PRKG1: variants seen among roughly 807,000 people sequenced by gnomAD.
PRKG1 encodes cGMP-dependent protein kinase 1.
PRKG1 carries 35 observed loss-of-function variants against 88.1 expected under a neutral mutation model. The ratio of observed to expected loss-of-function variants is 0.40; its 90% CI spans 0.30 to 0.53. PRKG1 has a LOEUF of 0.53. PRKG1 is among the 20% of genes least tolerant of loss of function. The pLI, the probability that PRKG1 is intolerant of heterozygous loss-of-function variation, is 0.59. For missense variants in PRKG1, 540 were observed against 839.8 expected, an observed-to-expected ratio of 0.64 and a Z score of 4.41; for synonymous variants, 303 against 292.5, an observed-to-expected ratio of 1.04 and a Z score of -0.37.
chr10:51,756,059 T>C (rs1273779382), intron 3 of PRKG1, among the ~76,000 whole-genome samples: 1 of 152,226 alleles, frequency 6.6e-6, no homozygotes, highest in South Asian at 2.1e-4. Flanking sequence ...GAGAAACATA[T>C]AAAGTATTTT....
intron 5 of PRKG1, among the ~76,000 whole-genome samples, chr10:51,968,260 C>T (rs558087555): frequency 6.6e-5 from 10 of 152,190 alleles, no homozygotes; most frequent in East Asian, 1.9e-4. Context: ...CCAAGGCCAA[C>T]TGTAAAGATT....
chr10:50,992,964 C>T (rs895225064), intron 1 of PRKG1, among the ~76,000 whole-genome samples: 1 of 152,182 alleles, frequency 6.6e-6, no homozygotes, highest in Non-Finnish European at 1.5e-5. Flanking sequence ...GACTCCTAAA[C>T]TAGTCCCCCT....
At chr10:51,390,156 T>C (rs1238930483) in intron 2 of PRKG1, among the ~76,000 whole-genome samples, 1 of 152,214 alleles carries the variant, frequency 6.6e-6, no homozygotes, top group Non-Finnish European at 1.5e-5. Flanking sequence ...GGCAGAATCA[T>C]GTGGAACACA....
At chr10:51,516,891 T>C (rs373674683) in intron 3 of PRKG1, among the ~76,000 whole-genome samples, 4 of 152,044 alleles carry the variant, frequency 2.6e-5, no homozygotes, top group Non-Finnish European at 4.4e-5. Context: ...TAAACAAATA[T>C]ACAAAAATAA....
chr10:51,888,954 C>T (rs1442571777), intron 4 of PRKG1, among the ~76,000 whole-genome samples: 2 of 152,112 alleles, frequency 1.3e-5, no homozygotes, highest in South Asian at 2.1e-4. Context: ...AGTAACGTGA[C>T]TGGGACTTAA....
At chr10:52,210,151 T>C (rs1465962974) in intron 9 of PRKG1, among the ~76,000 whole-genome samples, 1 of 152,142 alleles carries the variant, frequency 6.6e-6, no homozygotes, top group Non-Finnish European at 1.5e-5. Context: ...AGATGGTAGC[T>C]ACTATCATCA....
chr10:51,991,755 C>T (rs190465794), intron 5 of PRKG1, among the ~76,000 whole-genome samples: 1 of 152,148 alleles, frequency 6.6e-6, no homozygotes, highest in Non-Finnish European at 1.5e-5. Context: ...GTATATGTGC[C>T]ACATTTTCTT....
rs1838425145 is a variant in PRKG1, at chr10:51,775,968, CCTTT to C, written c.593-28612_593-28609del. ...CTCACGTTCTGTTTCCATTGTTATT[CCTTT>C]CTTTATTTTAGTTCAAACCCCAACT... On this transcript the variant is annotated intron_variant, in intron 3 of 17. Transcript: ENST00000373980. Among the ~76,000 whole-genome samples the C allele has an allele frequency of 2.0e-5, 3 of 152,196 alleles. No individual in the cohort carries two copies. The South Asian group carries it at 6.2e-4, about 32-fold the overall frequency.
intron 7 of PRKG1, among the ~76,000 whole-genome samples, chr10:52,129,406 AGT>A (rs1307141724): frequency 1.3e-5 from 2 of 152,216 alleles, no homozygotes; most frequent in African/African-American, 4.8e-5. Flanking sequence ...TCTCTTTAGA[AGT>A]TAGAAATTTC....
At chr10:51,862,890 T>C (rs1212876571) in intron 4 of PRKG1, among the ~76,000 whole-genome samples, 1 of 152,184 alleles carries the variant, frequency 6.6e-6, no homozygotes, top group Non-Finnish European at 1.5e-5. Flanking sequence ...CTGGCCTATG[T>C]AAGTGCTCAA....
chr10:51,768,074 A>T (rs1226770600), intron 3 of PRKG1, among the ~76,000 whole-genome samples: 1 of 152,164 alleles, frequency 6.6e-6, no homozygotes, highest in African/African-American at 2.4e-5. Context: ...TAGCAAAAAT[A>T]TCTTCAAAAT....
intron 5 of PRKG1, among the ~76,000 whole-genome samples, chr10:52,006,219 C>T (rs1048963814): frequency 6.6e-6 from 1 of 152,116 alleles, no homozygotes; most frequent in Non-Finnish European, 1.5e-5. Flanking sequence ...CTCAAAAAGC[C>T]AGAGCACTTT....
intron 9 of PRKG1, among the ~76,000 whole-genome samples, chr10:52,172,854 G>A (rs1277969391): frequency 1.3e-5 from 2 of 152,184 alleles, no homozygotes; most frequent in Non-Finnish European, 2.9e-5. Flanking sequence ...TTTGGAGAGC[G>A]AGCCTTAGTT....
intron 3 of PRKG1, among the ~76,000 whole-genome samples, chr10:51,647,410 G>GT (rs1290671321): frequency 1.3e-5 from 2 of 152,176 alleles, no homozygotes; most frequent in African/African-American, 4.8e-5. Flanking sequence ...TGAGCCTCCA[G>GT]TATACTGTTC....
intron 1 of PRKG1, among the ~76,000 whole-genome samples, chr10:51,128,368 G>T (rs1269856726): frequency 1.3e-5 from 2 of 152,136 alleles, no homozygotes; most frequent in Non-Finnish European, 2.9e-5. Context: ...AATGTTTTAA[G>T]AATACGTTCA....
intron 3 of PRKG1, among the ~76,000 whole-genome samples, chr10:51,750,280 G>T (rs1350246516): frequency 6.6e-6 from 1 of 152,034 alleles, no homozygotes; most frequent in Non-Finnish European, 1.5e-5. Flanking sequence ...TAATTCTGCA[G>T]GTGTGGTCCC....
At chr10:51,303,910 C>G (rs1460072385) in intron 2 of PRKG1, among the ~76,000 whole-genome samples, 1 of 151,946 alleles carries the variant, frequency 6.6e-6, no homozygotes, top group Non-Finnish European at 1.5e-5. Context: ...AACCTCCACC[C>G]CCAGGTTCAA....
intron 3 of PRKG1, among the ~76,000 whole-genome samples, chr10:51,784,201 T>A (rs183730667): frequency 6.6e-6 from 1 of 152,166 alleles, no homozygotes; most frequent in East Asian, 1.9e-4. Flanking sequence ...AGTCTCTTAG[T>A]TGTGTTCTAA....
At chr10:51,466,110 G>C (rs1188389184) in intron 2 of PRKG1, among the ~76,000 whole-genome samples, 1 of 152,076 alleles carries the variant, frequency 6.6e-6, no homozygotes, top group African/African-American at 2.4e-5. Flanking sequence ...TTTAACCTCT[G>C]TGTGGTATTC....
Sources: gnomAD v4.1 joint callset for allele counts (sites outside exome capture counted in the v4.1 genomes callset) on GRCh38, gnomAD v4.1.1 for gene constraint, MANE v1.5 for transcripts, NCBI Gene and HGNC (gene_info 2026-07-23, HGNC 2026-07-21) for gene names.